The following RTN1 variants were observed in gnomAD, a reference collection of about 807,000 sequenced individuals.
RTN1 encodes reticulon 1, also known as reticulon-1.
In RTN1, 25 loss-of-function variants were observed where a neutral mutation model predicts 65.5. The ratio of observed to expected loss-of-function variants is 0.38; its 90% CI spans 0.28 to 0.53. The LOEUF (loss-of-function observed/expected upper bound fraction) is 0.53. RTN1 is among the 20% of genes least tolerant of loss of function. The probability of loss-of-function intolerance (pLI) is 0.79; values close to 1 mark genes in which losing one functional copy is unlikely to be tolerated. For missense variants in RTN1, 983 were observed against 1,025.4 expected (o/e 0.96, Z 0.57); for synonymous variants, 471 against 447.6 (o/e 1.05, Z -0.66).
chr14:59,701,914 C>T (rs572078268), intron 3 of RTN1, among the ~76,000 whole-genome samples: 23 of 152,194 alleles, frequency 1.5e-4, no homozygotes, highest in South Asian at 2.1e-4. Flanking sequence ...CAGATTCTTA[C>T]GTAGTTATCT....
intron 3 of RTN1, among the ~76,000 whole-genome samples, chr14:59,667,279 T>A (rs1263238461): frequency 6.6e-6 from 1 of 152,192 alleles, no homozygotes; most frequent in African/African-American, 2.4e-5. Context: ...GTCGGCTTCA[T>A]CACTGGGATG....
intron 3 of RTN1, among the ~76,000 whole-genome samples, chr14:59,636,607 A>T (rs1188504089): frequency 6.6e-6 from 1 of 152,232 alleles, no homozygotes; most frequent in Admixed American, 6.5e-5. Flanking sequence ...TGACCTTGCT[A>T]AATTTACTTA....
chr14:59,713,023 C>A (rs144142409), intron 3 of RTN1, among the ~76,000 whole-genome samples: 1,533 of 152,006 alleles, frequency 0.01, 14 homozygotes, highest in South Asian at 0.024. Flanking sequence ...AGAGGATAAG[C>A]ACTTTACCTA....
chr14:59,770,984 G>A (rs1885945891), intron 1 of RTN1, among the ~76,000 whole-genome samples: 1 of 151,782 alleles, frequency 6.6e-6, no homozygotes, highest in Admixed American at 6.6e-5. Flanking sequence ...AGGCAGAGTT[G>A]CAGTGAGCCG....
chr14:59,596,463 A>C lies in RTN1; in HGVS notation c.*282T>G. The C allele has an allele frequency of 3.9e-6, 1 of 257,692 alleles. No homozygotes were observed. The highest frequency in any genetic ancestry group is 7.4e-6 in the Non-Finnish European group (1 of 135,220). The allele number at this position is 257,692 out of a possible 1,614,324, so 16.0% of individuals were successfully genotyped here. On this transcript the variant is annotated 3_prime_UTR_variant, in exon 9 of 9. Transcript: ENST00000267484. ...AGAGAAGAAGAACACCGAAGAGGGA[A>C]AGATAACTTGGGCTCTCACCATCAT...
Position 59,849,041 on chromosome 14 carries a change from A to G in RTN1, c.241+21349T>C, listed in dbSNP as rs558128130. On this transcript the variant is annotated intron_variant, in intron 1 of 8. Coordinates refer to ENST00000267484, the MANE Select transcript of RTN1 (RefSeq NM_021136.3). This position sits in a 1 kb window ranked among gnomAD's most constrained non-coding sequence, Gnocchi z 4.5. Reference sequence around the variant, plus strand: ...ACCCCAATATCTCATCCCCCTCATCAACTTAGCAGGAAGTTGCTGGAAGAC... The same window carrying G: ...ACCCCAATATCTCATCCCCCTCATCGACTTAGCAGGAAGTTGCTGGAAGAC... 3.8e-4 allele frequency among the ~76,000 whole-genome samples: 58 copies of G among 152,174 alleles called. No homozygotes were observed. Among genetic ancestry groups the G allele is most frequent in the Non-Finnish European group, 6.2e-4 (42 of 68,024 alleles).
At chr14:59,734,266 A>C (rs1884960105) in intron 2 of RTN1, among the ~76,000 whole-genome samples, 1 of 152,270 alleles carries the variant, frequency 6.6e-6, no homozygotes, top group Admixed American at 6.5e-5. Context: ...AGATAAGCCC[A>C]CAAAAATGAG....
At chr14:59,792,961 G>C (rs1247863322) in intron 1 of RTN1, among the ~76,000 whole-genome samples, 1 of 152,066 alleles carries the variant, frequency 6.6e-6, no homozygotes, top group Non-Finnish European at 1.5e-5. Context: ...TGTGCCAATA[G>C]CAAGGTAATA....
intron 1 of RTN1, among the ~76,000 whole-genome samples, chr14:59,796,673 A>G (rs1389991250): frequency 1.3e-5 from 2 of 152,152 alleles, no homozygotes; most frequent in African/African-American, 4.8e-5. Flanking sequence ...CTCCTGGTCT[A>G]ATGAACTCAT....
chr14:59,600,002 C>T (rs913278721), intron 8 of RTN1, among the ~76,000 whole-genome samples: 2 of 152,194 alleles, frequency 1.3e-5, no homozygotes, highest in East Asian at 3.8e-4. Flanking sequence ...GTCTCACTTA[C>T]TCGAAGCTTT....
rs1005504457 is a variant in RTN1 at position 59,706,157 on chromosome 14, C to A, written c.1765+20762G>T. ...CATTTCACCTATTCTCTCAACTATT[C>A]TTCTTTACCTGCATAAGACAAACTT... On this transcript the variant is annotated intron_variant, in intron 3 of 8. Transcript: ENST00000267484. Among the ~76,000 whole-genome samples the A allele has an allele frequency of 7.2e-5, 11 of 152,300 alleles. 1 individual carries two copies. Among genetic ancestry groups the A allele is most frequent in the Admixed American group, 2.0e-4 (3 of 15,284 alleles).
At chr14:59,630,902 T>C in intron 3 of RTN1, 3 of 947,380 alleles carry the variant, frequency 3.2e-6, no homozygotes, top group Non-Finnish European at 3.8e-6. Context: ...GGAGGAGGAC[T>C]TGGGCTGTTC....
chr14:59,784,443 G>GAAA (rs200051471), intron 1 of RTN1, among the ~76,000 whole-genome samples: 3 of 126,962 alleles, frequency 2.4e-5, no homozygotes, highest in Admixed American at 8.3e-5. Context: ...CTCCGTCTCA[G>GAAA]AAAAAAAAAA....
At position 59,746,054 on chromosome 14, in the gene RTN1, C is replaced by T. The variant is rs1833853230; in HGVS notation, c.669G>A (p.Lys223=). ...TAATTGAGATGTCAGTGTCTTTATT[C>T]TTAAAGTCCAAGTCTTTATCTTCCA... is the stretch of plus-strand genomic sequence containing the variant. ...PELEDKDLDF[K]NKDTDISIKP... The change falls in exon 2 of 9, where the codon AAG becomes AAA. Residue 223 remains lysine (K), a synonymous_variant. Transcript: ENST00000267484. 1.9e-6 allele frequency: 3 copies of T among 1,614,026 alleles called. No individual in the cohort carries two copies. The highest frequency in any genetic ancestry group is 1.7e-5 in the Admixed American group (1 of 60,000).
At chr14:59,852,400 A>G (rs1887525600) in intron 1 of RTN1, among the ~76,000 whole-genome samples, 1 of 152,266 alleles carries the variant, frequency 6.6e-6, no homozygotes, top group South Asian at 2.1e-4. Flanking sequence ...GGGTGGCATT[A>G]GATGACTGAT....
At chr14:59,673,621 T>C (rs1447434242) in intron 3 of RTN1, among the ~76,000 whole-genome samples, 4 of 152,266 alleles carry the variant, frequency 2.6e-5, no homozygotes, top group Admixed American at 2.6e-4. Flanking sequence ...GAAGCATGCA[T>C]GCTGATTGGT....
At chr14:59,686,904 G>A (rs183233264) in intron 3 of RTN1, among the ~76,000 whole-genome samples, 2 of 152,332 alleles carry the variant, frequency 1.3e-5, no homozygotes, top group African/African-American at 4.8e-5. Flanking sequence ...CCATTCTTTA[G>A]TGACCTGGCA....
intron 1 of RTN1, among the ~76,000 whole-genome samples, chr14:59,767,633 C>A (rs542009791): frequency 6.6e-6 from 1 of 152,284 alleles, no homozygotes; most frequent in East Asian, 1.9e-4. Context: ...AAAAAGCTAT[C>A]AGTGGAGAGG....
intron 3 of RTN1, among the ~76,000 whole-genome samples, chr14:59,706,767 C>T (rs1399303170): frequency 2.0e-5 from 3 of 152,172 alleles, no homozygotes. Context: ...CTCAAACTGA[C>T]CTTTAAAGAG....
Sources: gnomAD v4.1 joint callset for allele counts (sites outside exome capture counted in the v4.1 genomes callset) on GRCh38, gnomAD v4.1.1 for gene constraint, Gnocchi (gnomAD v3.1) non-coding constraint, MANE v1.5 for transcripts, NCBI Gene and HGNC (gene_info 2026-07-23, HGNC 2026-07-21) for gene names.